The following DHRSX variants were observed in gnomAD, a reference collection of about 807,000 sequenced individuals.
DHRSX encodes the protein polyprenol dehydrogenase.
A neutral mutation model predicts 34.0 loss-of-function variants in DHRSX; 31 were observed. That is an observed-to-expected ratio of 0.91 (90% confidence interval 0.69 to 1.23). The LOEUF is 1.23. DHRSX is among the 50% of genes most tolerant of loss of function. The probability of loss-of-function intolerance (pLI) is 0.00; values close to 1 mark genes in which losing one functional copy is unlikely to be tolerated. For synonymous variants in DHRSX, 201 were observed against 183.8 expected (o/e 1.09, Z -0.76); for missense variants, 414 against 428.1 (o/e 0.97, Z 0.29).
At chrX:2,314,849 G>A (rs1467718663) in intron 3 of DHRSX, among the ~76,000 whole-genome samples, 2 of 151,988 alleles carry the variant, frequency 1.3e-5, no homozygotes, top group African/African-American at 4.8e-5. Context: ...ACTATGGCTC[G>A]GAAGTCATTG....
Position 2,266,895 on chromosome X carries a change from A to G in DHRSX, c.441T>C (p.His147=), listed in dbSNP as rs750381401. The G allele has an allele frequency of 6.2e-7, 1 of 1,613,964 alleles. No individual in the cohort carries two copies. Among genetic ancestry groups the G allele is most frequent in the South Asian group, 1.1e-5 (1 of 91,074 alleles). The change falls in exon 5 of 7, where the codon CAT becomes CAC. Residue 147 remains histidine, a synonymous_variant. Transcript: ENST00000334651. ...QRKTRDGFEE[H]FGLNYLGHFL... ...AGTGCCCTAGGTAGTTCAGGCCGAAATGTTCTTCGAATCCATCTCTGGTTT... is the reference window on the plus strand; with the variant it reads ...AGTGCCCTAGGTAGTTCAGGCCGAAGTGTTCTTCGAATCCATCTCTGGTTT...
intron 2 of DHRSX, among the ~76,000 whole-genome samples, chrX:2,420,466 C>T (rs1020655801): frequency 2.0e-5 from 3 of 150,596 alleles, no homozygotes; most frequent in African/African-American, 4.9e-5. Flanking sequence ...AGAATGGGGC[C>T]GGGCACAGTG....
intron 5 of DHRSX, among the ~76,000 whole-genome samples, chrX:2,243,816 T>G (rs1460642690): frequency 2.8e-5 from 3 of 108,110 alleles, no homozygotes; most frequent in African/African-American, 9.1e-5. Flanking sequence ...TTTTTTTTTT[T>G]TTTTTTGAGA....
At chrX:2,244,394 T>C (rs1177504633) in intron 5 of DHRSX, among the ~76,000 whole-genome samples, 1 of 152,170 alleles carries the variant, frequency 6.6e-6, no homozygotes, top group Non-Finnish European at 1.5e-5. Flanking sequence ...CTACTTTTTC[T>C]ATGTATGCCT....
chrX:2,468,076 T>G (rs757180426), intron 1 of DHRSX, among the ~76,000 whole-genome samples: 5 of 151,736 alleles, frequency 3.3e-5, no homozygotes, highest in Admixed American at 3.3e-4. Flanking sequence ...TTCTAAGGTT[T>G]CTCTCCTGTC....
intron 1 of DHRSX, among the ~76,000 whole-genome samples, chrX:2,431,181 C>A (rs771871328): frequency 7.9e-5 from 12 of 152,080 alleles, no homozygotes; most frequent in Admixed American, 2.0e-4. Flanking sequence ...AAAAATTAGC[C>A]TGGCGTGGTG....
At chrX:2,223,836 G>A (rs969654337) in intron 6 of DHRSX, among the ~76,000 whole-genome samples, 4 of 152,068 alleles carry the variant, frequency 2.6e-5, no homozygotes, top group African/African-American at 7.2e-5. Flanking sequence ...TGGAAAATAC[G>A]GAGTCTTTCT....
intron 3 of DHRSX, among the ~76,000 whole-genome samples, chrX:2,360,426 T>C (rs1259674122): frequency 6.6e-6 from 1 of 151,864 alleles, no homozygotes; most frequent in Non-Finnish European, 1.5e-5. Context: ...CTACTAAAAA[T>C]ACAAAAATGA....
At chrX:2,229,255 G>A (rs183595841) in intron 6 of DHRSX, among the ~76,000 whole-genome samples, 70 of 152,184 alleles carry the variant, frequency 4.6e-4, no homozygotes, top group African/African-American at 1.6e-3. Context: ...GAGTTTCCAC[G>A]CCCCAAAGTT....
intron 3 of DHRSX, among the ~76,000 whole-genome samples, chrX:2,391,930 G>T (rs1241036956): frequency 6.7e-6 from 1 of 149,568 alleles, no homozygotes; most frequent in South Asian, 2.1e-4. Context: ...CCGACTAAAA[G>T]AAAAAAAAAG....
chrX:2,329,460 C>G (rs1313505923), intron 3 of DHRSX, among the ~76,000 whole-genome samples: 5 of 152,134 alleles, frequency 3.3e-5, no homozygotes, highest in Non-Finnish European at 7.4e-5. Context: ...CCATCACCAA[C>G]AAGACAGTGA....
chrX:2,331,873 T>C (rs2042482879), intron 3 of DHRSX, among the ~76,000 whole-genome samples: 1 of 152,194 alleles, frequency 6.6e-6, no homozygotes, highest in Non-Finnish European at 1.5e-5. Flanking sequence ...CTGTTGTCTA[T>C]TTTAAGAAAT....
At chrX:2,490,519 C>T in intron 1 of DHRSX, 1 of 1,613,974 alleles carries the variant, frequency 6.2e-7, no homozygotes, top group South Asian at 1.1e-5. Flanking sequence ...GGTTCTTCTC[C>T]AGGTGGTAGG....
At chrX:2,334,819 TTG>T (rs2042532277) in intron 3 of DHRSX, 1 of 152,166 alleles carries the variant, frequency 6.6e-6, no homozygotes, top group Admixed American at 6.6e-5. Context: ...AATTCTATAA[TTG>T]TATATATTTG....
At chrX:2,265,614 G>A (rs1169160127) in intron 5 of DHRSX, among the ~76,000 whole-genome samples, 17 of 124,422 alleles carry the variant, frequency 1.4e-4, no homozygotes, top group African/African-American at 4.2e-4. Context: ...CAGACGCAGG[G>A]AGCACTGTAC....
chrX:2,222,179 C>T, intron 6 of DHRSX, among the ~76,000 whole-genome samples: 1 of 152,300 alleles, frequency 6.6e-6, no homozygotes, highest in East Asian at 1.9e-4. Context: ...ACCGGTTGCC[C>T]AGCCTATGTT....
At chrX:2,446,526 C>T (rs190652036) in intron 1 of DHRSX, among the ~76,000 whole-genome samples, 289 of 146,912 alleles carry the variant, frequency 2.0e-3, no homozygotes, top group Non-Finnish European at 2.9e-3. Context: ...CCTAACAATG[C>T]GGCCAAGAGA....
intron 3 of DHRSX, among the ~76,000 whole-genome samples, chrX:2,392,179 G>C (rs2043342861): frequency 6.6e-6 from 1 of 152,130 alleles, no homozygotes; most frequent in Non-Finnish European, 1.5e-5. Flanking sequence ...ATGGAAATGG[G>C]TATGACGGTC....
At chrX:2,346,662 G>C (rs895660984) in intron 3 of DHRSX, among the ~76,000 whole-genome samples, 1 of 150,558 alleles carries the variant, frequency 6.6e-6, no homozygotes, top group Admixed American at 6.6e-5. Context: ...TTTTGTTGTT[G>C]TTGTTTAATA....
Sources: gnomAD v4.1 joint callset for allele counts (sites outside exome capture counted in the v4.1 genomes callset) on GRCh38, gnomAD v4.1.1 for gene constraint, MANE v1.5 for transcripts, NCBI Gene and HGNC (gene_info 2026-07-23, HGNC 2026-07-21) for gene names.